The following ANKRD31 variants were observed in gnomAD, a reference collection of about 807,000 sequenced individuals.
ANKRD31 encodes the protein ankyrin repeat domain-containing protein 31.
Under a neutral mutation model 186.0 loss-of-function variants are expected in ANKRD31, and 147 were observed. The observed-to-expected ratio is 0.79, with a 90% confidence interval of 0.69 to 0.91. The LOEUF is 0.91. Ranked by LOEUF, ANKRD31 falls within the 40% of genes least tolerant of loss-of-function variation. The pLI is 0.00. For synonymous variants in ANKRD31, 673 were observed against 736.4 expected (o/e 0.91, Z 1.39); for missense variants, 1,986 against 2,148.8 (o/e 0.92, Z 1.50).
chr5:75,104,598 T>C lies in ANKRD31; in HGVS notation c.4961A>G (p.Asn1654Ser). 6.5e-7 allele frequency: 1 copy of C among 1,536,372 alleles called. No individual in the cohort carries two copies. The highest frequency in any genetic ancestry group is 8.7e-7 in the Non-Finnish European group (1 of 1,146,562). ...ISETASVLAE[N>S]AAHPSNIICD... is the part of the protein sequence containing the mutation. Reference sequence around the variant, plus strand: ...AATAATATTTGATGGATGGGCAGCATTTTCGGCAAGGACACTTGCAGTTTC... The same window carrying C: ...AATAATATTTGATGGATGGGCAGCACTTTCGGCAAGGACACTTGCAGTTTC... The change falls in exon 22 of 26, where the codon AAT (asparagine) becomes AGT (serine). Residue 1654 changes from asparagine (N) to serine (S), a missense_variant. Asn to Ser is a conservative substitution (Grantham distance 46). Coordinates refer to ENST00000506364, the MANE Select transcript of ANKRD31 (RefSeq NM_001372053.1).
intron 10 of ANKRD31, among the ~76,000 whole-genome samples, chr5:75,186,220 C>A (rs1754703187): frequency 6.6e-6 from 1 of 151,948 alleles, no homozygotes; most frequent in Non-Finnish European, 1.5e-5. Context: ...CCCAAAAAAA[C>A]TTATTTAAAA....
chr5:75,191,230 T>C (rs1213189467), intron 9 of ANKRD31, among the ~76,000 whole-genome samples: 5 of 152,148 alleles, frequency 3.3e-5, no homozygotes, highest in Non-Finnish European at 7.4e-5. Flanking sequence ...TGTTTTCCAC[T>C]ACTTATTGCT....
At chr5:75,148,533 G>A in intron 13 of ANKRD31, 43 bp downstream of exon 13, 1 of 1,337,518 alleles carries the variant, frequency 7.5e-7, no homozygotes, top group Non-Finnish European at 1.0e-6. Flanking sequence ...ACAACCAGAA[G>A]TTACATCCCT....
chr5:75,216,544 A>C lies in ANKRD31; in HGVS notation c.289-5679T>G, dbSNP rs548939979. On this transcript the variant is annotated intron_variant, in intron 3 of 25. Coordinates refer to ENST00000506364, the MANE Select transcript of ANKRD31 (RefSeq NM_001372053.1). ...TCAGAAGTTACAAAATTAATTTTTA[A>C]ATGAGTTATTAGAAGGCAAATATAG... 5.9e-5 allele frequency among the ~76,000 whole-genome samples: 9 copies of C among 152,304 alleles called. No individual in the cohort carries two copies. In the East Asian group the frequency reaches 1.7e-3, roughly 29 times the overall value.
intron 11 of ANKRD31, among the ~76,000 whole-genome samples, chr5:75,161,799 T>C (rs1016825523): frequency 6.6e-6 from 1 of 152,210 alleles, no homozygotes; most frequent in African/African-American, 2.4e-5. Flanking sequence ...AAGGGACCTA[T>C]GTAGAGCTTG....
chr5:75,135,478 C>T (rs1580405877), intron 17 of ANKRD31, among the ~76,000 whole-genome samples: 1 of 152,122 alleles, frequency 6.6e-6, no homozygotes, highest in Non-Finnish European at 1.5e-5. Flanking sequence ...AGGGCCTCTT[C>T]AAGGAGAACT....
chr5:75,099,583 CTAT>C (rs2150047095), intron 22 of ANKRD31, among the ~76,000 whole-genome samples: 1 of 152,202 alleles, frequency 6.6e-6, no homozygotes, highest in East Asian at 1.9e-4. Context: ...GGTTGGTAGG[CTAT>C]TAATTATTGC....
intron 17 of ANKRD31, among the ~76,000 whole-genome samples, chr5:75,131,651 GAA>G (rs1037631253): frequency 7.9e-5 from 12 of 152,202 alleles, no homozygotes; most frequent in African/African-American, 2.9e-4. Context: ...TGACAGCTTT[GAA>G]GAGAGTAGTG....
At position 75,116,664 on chromosome 5, in the gene ANKRD31, G is replaced by A. The variant is rs766084000; in HGVS notation, c.4057C>T (p.Arg1353Trp). Reference sequence around the variant, plus strand: ...AAACACTGTTTATGTCTTTTAGACCGGACAGCAGGAATTTTTTCTTTAAAA... The same window carrying A: ...AAACACTGTTTATGTCTTTTAGACCAGACAGCAGGAATTTTTTCTTTAAAA... Reference protein sequence around the residue: ...AIVNEKIPAVRSKRHKQCFCD... With the variant: ...AIVNEKIPAVWSKRHKQCFCD... The change falls in exon 19 of 26, where the codon CGG (arginine) becomes TGG (tryptophan). Residue 1353 changes from arginine to tryptophan, a missense_variant. Transcript: ENST00000506364. The A allele has an allele frequency of 6.4e-5, 90 of 1,408,916 alleles. No individual in the cohort carries two copies. Among genetic ancestry groups the A allele is most frequent in the South Asian group, 1.5e-4 (9 of 58,806 alleles). 87.3% of individuals were successfully genotyped at this position (1,408,916 alleles called of 1,614,324 possible). A position where few individuals can be genotyped will look rare whatever the true frequency, so the allele number is the denominator to read the frequency against.
chr5:75,181,815 C>T lies in ANKRD31; in HGVS notation c.1564+6678G>A, dbSNP rs35727439. 2.4e-3 allele frequency among the ~76,000 whole-genome samples: 359 copies of T among 151,130 alleles called. 9 individuals carry two copies. In the East Asian group the frequency reaches 0.061, roughly 26 times the overall value. On this transcript the variant is annotated intron_variant, in intron 10 of 25. Transcript: ENST00000506364. Reference sequence around the variant, plus strand: ...CGAGTTAATGGGTGCAGCACACCAACGTGGCACAGGTATACATATGTAACA... The same window carrying T: ...CGAGTTAATGGGTGCAGCACACCAATGTGGCACAGGTATACATATGTAACA...
intron 1 of ANKRD31, among the ~76,000 whole-genome samples, chr5:75,231,907 AC>A: frequency 1.9e-3 from 1 of 538 alleles, no homozygotes; most frequent in African/African-American, 0.01. Context: ...CTGTCTCAAA[AC>A]ACACACACAC....
At chr5:75,132,193 A>G (rs1262794656) in intron 17 of ANKRD31, among the ~76,000 whole-genome samples, 2 of 152,264 alleles carry the variant, frequency 1.3e-5, no homozygotes, top group Non-Finnish European at 2.9e-5. Context: ...AGAAGGCTTC[A>G]GACGATCGGT....
intron 11 of ANKRD31, among the ~76,000 whole-genome samples, chr5:75,166,488 A>C (rs976837832): frequency 6.6e-6 from 1 of 152,102 alleles, no homozygotes; most frequent in Admixed American, 6.6e-5. Flanking sequence ...AAACAAAAAC[A>C]AAAACAAAAA....
intron 10 of ANKRD31, among the ~76,000 whole-genome samples, chr5:75,172,603 T>C (rs1236357278): frequency 6.6e-6 from 1 of 152,094 alleles, no homozygotes; most frequent in East Asian, 1.9e-4. Flanking sequence ...GAGAATACTA[T>C]AAACACCTCT....
At chr5:75,163,571 T>C (rs1752718582) in intron 11 of ANKRD31, among the ~76,000 whole-genome samples, 1 of 152,200 alleles carries the variant, frequency 6.6e-6, no homozygotes, top group Non-Finnish European at 1.5e-5. Flanking sequence ...TCATATGAAA[T>C]CAGGTGTGAA....
intron 6 of ANKRD31, 43 bp from the exon 7 acceptor site, chr5:75,196,243 A>G: frequency 7.6e-7 from 1 of 1,312,724 alleles, no homozygotes; most frequent in Non-Finnish European, 9.8e-7. Context: ...AGCATATACA[A>G]TAAAGTATTT....
At chr5:75,221,289 A>C (rs911413723) in intron 3 of ANKRD31, among the ~76,000 whole-genome samples, 10 of 152,236 alleles carry the variant, frequency 6.6e-5, no homozygotes, top group African/African-American at 1.9e-4. Flanking sequence ...AGAAATCTAC[A>C]TGCAGTTTGA....
At chr5:75,086,646 G>A (rs990601616) in intron 23 of ANKRD31, among the ~76,000 whole-genome samples, 28 of 152,198 alleles carry the variant, frequency 1.8e-4, no homozygotes, top group African/African-American at 6.8e-4. Context: ...ATGAGAACAT[G>A]TAAGAGAGAT....
intron 23 of ANKRD31, among the ~76,000 whole-genome samples, chr5:75,085,486 C>T (rs1175082248): frequency 6.6e-6 from 1 of 152,004 alleles, no homozygotes; most frequent in Non-Finnish European, 1.5e-5. Flanking sequence ...ATTCTCATGC[C>T]TCAGCCTCCC....
Sources: allele counts gnomAD v4.1 joint callset (sites outside exome capture counted in the v4.1 genomes callset), GRCh38; gene constraint gnomAD v4.1.1; transcripts MANE v1.5; gene names NCBI Gene and HGNC (gene_info 2026-07-23, HGNC 2026-07-21).